The following DLG2 variants were observed in gnomAD, a reference collection of about 807,000 sequenced individuals.
The protein encoded by DLG2 is disks large homolog 2.
In DLG2, 45 loss-of-function variants were observed where a neutral mutation model predicts 132.5. That is an observed-to-expected ratio of 0.34 (90% CI 0.27 to 0.44). The LOEUF (loss-of-function observed/expected upper bound fraction) is 0.44. Ranked by LOEUF, DLG2 falls within the 20% of genes least tolerant of loss-of-function variation. The pLI, the probability that DLG2 is intolerant of heterozygous loss-of-function variation, is 1.00. For missense variants in DLG2, 1,045 were observed against 1,196.9 expected (o/e 0.87, Z 1.87); for synonymous variants, 424 against 419.6 (o/e 1.01, Z -0.13).
At chr11:84,236,930 T>G (rs2097165348) in intron 8 of DLG2, among the ~76,000 whole-genome samples, 1 of 137,702 alleles carries the variant, frequency 7.3e-6, no homozygotes, top group Non-Finnish European at 1.5e-5. Context: ...TATGTTTTTT[T>G]TTTTGTTTTT....
At chr11:83,992,370 C>T (rs914635795) in intron 11 of DLG2, among the ~76,000 whole-genome samples, 6 of 151,946 alleles carry the variant, frequency 3.9e-5, no homozygotes, top group Admixed American at 6.6e-5. Flanking sequence ...TATAGGTGGG[C>T]GGCCTACCTT....
chr11:84,705,230 T>G (rs2059663210), intron 6 of DLG2, among the ~76,000 whole-genome samples: 1 of 151,676 alleles, frequency 6.6e-6, no homozygotes, highest in Non-Finnish European at 1.5e-5. Context: ...ACAATGGTGC[T>G]GAGAAGCCCC....
At chr11:84,249,107 T>TAGG (rs2097339699) in intron 8 of DLG2, among the ~76,000 whole-genome samples, 1 of 152,210 alleles carries the variant, frequency 6.6e-6, no homozygotes, top group South Asian at 2.1e-4. Context: ...AGAACCCTAA[T>TAGG]AGGAGGCTTT....
At chr11:85,084,681 G>A (rs2067675708) in intron 6 of DLG2, among the ~76,000 whole-genome samples, 1 of 152,066 alleles carries the variant, frequency 6.6e-6, no homozygotes, top group Non-Finnish European at 1.5e-5. Flanking sequence ...TTTTGTCATG[G>A]TAAATCCATA....
intron 11 of DLG2, among the ~76,000 whole-genome samples, chr11:84,049,472 T>C (rs2096310855): frequency 6.6e-6 from 1 of 151,772 alleles, no homozygotes. Context: ...ACTGTCAGCT[T>C]CCATCTGAGC....
In DLG2 at chr11:84,478,015, G is replaced by GAC. The variant is rs1422427288; in HGVS notation, c.519+56554_519+56555insGT. On this transcript the variant is annotated intron_variant, in intron 7 of 27. Coordinates refer to ENST00000376104, the MANE Select transcript of DLG2 (RefSeq NM_001142699.3). ...TTATAAATGAGGAATCCGAGGCACAGAGAGGTCAAGAAACTCCAAAGTCAC... is the reference window on the plus strand; with the variant it reads ...TTATAAATGAGGAATCCGAGGCACAGACAGAGGTCAAGAAACTCCAAAGTCAC... Among the ~76,000 whole-genome samples, 30 of 152,254 alleles carry GAC rather than the reference G, an allele frequency of 2.0e-4. No individual in the cohort carries two copies. The East Asian group carries it at 3.5e-3, about 18-fold the overall frequency.
chr11:84,488,218 C>G (rs1290306052), intron 7 of DLG2, among the ~76,000 whole-genome samples: 3 of 151,918 alleles, frequency 2.0e-5, no homozygotes, highest in Admixed American at 6.6e-5. Flanking sequence ...AAGAGAAGAT[C>G]AGAGAAAAAA....
At chr11:83,767,281 G>A (rs188975065) in intron 18 of DLG2, among the ~76,000 whole-genome samples, 1 of 152,256 alleles carries the variant, frequency 6.6e-6, no homozygotes, top group African/African-American at 2.4e-5. Flanking sequence ...TGTGCAAAAT[G>A]TGAGGATTTG....
At chr11:83,932,228 C>T (rs562159243) in intron 14 of DLG2, among the ~76,000 whole-genome samples, 3 of 151,584 alleles carry the variant, frequency 2.0e-5, no homozygotes, top group East Asian at 3.9e-4. Context: ...ATGGGGTTCA[C>T]ATTTGAAGAT....
intron 3 of DLG2, among the ~76,000 whole-genome samples, chr11:85,483,905 A>G (rs978333690): frequency 6.6e-6 from 1 of 151,532 alleles, no homozygotes; most frequent in Non-Finnish European, 1.5e-5. Context: ...AAAAAAAAAA[A>G]AAAGAATAAT....
At chr11:83,514,679 C>T (rs1435612290) in intron 21 of DLG2, among the ~76,000 whole-genome samples, 1 of 152,050 alleles carries the variant, frequency 6.6e-6, no homozygotes, top group East Asian at 1.9e-4. Context: ...TCATAGATAG[C>T]TCTTATTATT....
intron 10 of DLG2, among the ~76,000 whole-genome samples, chr11:84,076,581 C>T (rs2096833007): frequency 6.6e-6 from 1 of 152,198 alleles, no homozygotes; most frequent in Non-Finnish European, 1.5e-5. Context: ...TCACTTCCCA[C>T]TTATAACTCC....
intron 2 of DLG2, among the ~76,000 whole-genome samples, chr11:85,604,697 A>T (rs1449273555): frequency 2.0e-5 from 3 of 152,124 alleles, no homozygotes; most frequent in African/African-American, 7.2e-5. Context: ...GGGGGAAGGG[A>T]GAATCACTTT....
intron 7 of DLG2, among the ~76,000 whole-genome samples, chr11:84,403,581 C>T (rs976660767): frequency 6.6e-6 from 1 of 152,056 alleles, no homozygotes; most frequent in African/African-American, 2.4e-5. Flanking sequence ...CCTGATTAAC[C>T]TCCCTAAAAA....
chr11:83,923,471 C>T (rs115243764), intron 15 of DLG2, among the ~76,000 whole-genome samples: 1,713 of 152,224 alleles, frequency 0.011, 32 homozygotes, highest in African/African-American at 0.038. Context: ...TCCTTAGCTC[C>T]TCTGTGACTT....
chr11:83,627,043 T>A (rs192756304), intron 19 of DLG2, among the ~76,000 whole-genome samples: 322 of 152,182 alleles, frequency 2.1e-3, no homozygotes, highest in African/African-American at 7.1e-3. Flanking sequence ...TCACAACCAA[T>A]TCTGTGGTCT....
At chr11:83,534,236 G>A (rs1040630478) in intron 20 of DLG2, among the ~76,000 whole-genome samples, 8 of 152,160 alleles carry the variant, frequency 5.3e-5, no homozygotes, top group African/African-American at 1.9e-4. Flanking sequence ...AGGGTTGTAT[G>A]TACCTTAAGG....
chr11:85,347,364 T>G (rs1182859171), intron 3 of DLG2, among the ~76,000 whole-genome samples: 2 of 152,110 alleles, frequency 1.3e-5, no homozygotes, highest in African/African-American at 2.4e-5. Flanking sequence ...CCACTCCCTG[T>G]TATCTGATTG....
intron 6 of DLG2, among the ~76,000 whole-genome samples, chr11:84,553,624 A>G (rs1225370093): frequency 1.3e-5 from 2 of 152,218 alleles, no homozygotes; most frequent in Non-Finnish European, 2.9e-5. Context: ...TCAAAGGAAC[A>G]GCAGACTAGA....
Sources: gnomAD v4.1 joint callset for allele counts (sites outside exome capture counted in the v4.1 genomes callset) on GRCh38, gnomAD v4.1.1 for gene constraint, MANE v1.5 for transcripts, NCBI Gene and HGNC (gene_info 2026-07-23, HGNC 2026-07-21) for gene names.